Variants in BIN1 observed in about 807,000 individuals in gnomAD.
BIN1 encodes the protein bridging integrator 1, also known as myc box-dependent-interacting protein 1.
A neutral mutation model predicts 82.0 loss-of-function variants in BIN1; 53 were observed. That is an observed-to-expected ratio of 0.65 (90% CI 0.52 to 0.81). The LOEUF is 0.81. Ranked by LOEUF, BIN1 falls within the 40% of genes least tolerant of loss-of-function variation. The pLI, the probability that BIN1 is intolerant of heterozygous loss-of-function variation, is 0.00. For synonymous variants in BIN1, 302 were observed against 328.0 expected (o/e 0.92, Z 0.86); for missense variants, 642 against 784.4 (o/e 0.82, Z 2.17).
At position 127,081,751 on chromosome 2, in the gene BIN1, G is replaced by A. The variant is rs957855672; in HGVS notation, c.85-5045C>T. Reference sequence around the variant, plus strand: ...CCCCACCCCCACACACACATGGAAGGGGGACCTCATCCAGCAAATCTCCCT... The same window carrying A: ...CCCCACCCCCACACACACATGGAAGAGGGACCTCATCCAGCAAATCTCCCT... On this transcript the variant is annotated intron_variant, in intron 1 of 18. Coordinates refer to ENST00000316724, the MANE Select transcript of BIN1 (RefSeq NM_139343.3). 4 of 1,263,156 alleles carry A rather than the reference G, an allele frequency of 3.2e-6. No individual in the cohort carries two copies. In the African/African-American group the frequency reaches 4.6e-5, roughly 15 times the overall value. 78.2% of individuals were successfully genotyped at this position (1,263,156 alleles called of 1,614,324 possible). A position where few individuals can be genotyped will look rare whatever the true frequency, so the allele number is the denominator to read the frequency against.
Position 127,068,098 on chromosome 2 carries a change from G to T in BIN1, c.612+65C>A. 1 of 1,515,334 alleles carries T rather than the reference G, an allele frequency of 6.6e-7. No individual in the cohort carries two copies. The highest frequency in any genetic ancestry group is 9.0e-7 in the Non-Finnish European group (1 of 1,105,020). The allele number at this position is 1,515,334 out of a possible 1,614,324, so 93.9% of individuals were successfully genotyped here. A position where few individuals can be genotyped will look rare whatever the true frequency, so the allele number is the denominator to read the frequency against. On this transcript the variant is annotated intron_variant, in intron 7 of 18. Transcript: ENST00000316724. This position sits in a 1 kb window ranked among gnomAD's most constrained non-coding sequence, Gnocchi z 4.9. Reference sequence around the variant, plus strand: ...GATGCCAGCCCTGCATTCCACCGCAGGGCGAGAGGACAGGACGACAGACCG... The same window carrying T: ...GATGCCAGCCCTGCATTCCACCGCATGGCGAGAGGACAGGACGACAGACCG...
chr2:127,059,650 T>C lies in BIN1; in HGVS notation c.858-495A>G, dbSNP rs1393110927. 6.6e-6 allele frequency among the ~76,000 whole-genome samples: 1 copy of C among 152,150 alleles called. No homozygotes were observed. The highest frequency in any genetic ancestry group is 1.5e-5 in the Non-Finnish European group (1 of 68,002). On this transcript the variant is annotated intron_variant, in intron 10 of 18. Transcript: ENST00000316724. This position sits in a 1 kb window ranked among gnomAD's most constrained non-coding sequence, Gnocchi z 6.7. ...TCCCTGCCTGTCCATCACAGCACCC[T>C]GGTACATGTCTCTAGACCTTGGCTC...
rs990007182 is a variant in BIN1, at chr2:127,067,929, C to T, written c.612+234G>A. On this transcript the variant is annotated intron_variant, in intron 7 of 18. Coordinates refer to ENST00000316724, the MANE Select transcript of BIN1 (RefSeq NM_139343.3). This position sits in a 1 kb window ranked among gnomAD's most constrained non-coding sequence, Gnocchi z 4.7. ...CCAGGAATGACCACAGATGCAGCCA[C>T]GGAGCGGGCATAGCTATGCCCCCAC... Among the ~76,000 whole-genome samples the T allele has an allele frequency of 6.6e-6, 1 of 152,158 alleles. No individual in the cohort carries two copies. Among genetic ancestry groups the T allele is most frequent in the Non-Finnish European group, 1.5e-5 (1 of 68,026 alleles).
At chr2:127,087,270 G>T (rs981974843) in intron 1 of BIN1, among the ~76,000 whole-genome samples, 3 of 152,180 alleles carry the variant, frequency 2.0e-5, no homozygotes, top group Non-Finnish European at 4.4e-5. Context: ...AGGGGGAGGG[G>T]AAGGAAGTTG....
chr2:127,054,162 C>T (rs1056474162), intron 12 of BIN1, 150 bp from the exon 13 acceptor site: 8 of 688,048 alleles, frequency 1.2e-5, no homozygotes, highest in Admixed American at 1.0e-4. Flanking sequence ...TACACGCACA[C>T]ACGCTGGCAC....
intron 1 of BIN1, among the ~76,000 whole-genome samples, chr2:127,079,936 G>A (rs1486649931): frequency 6.6e-6 from 1 of 152,246 alleles, no homozygotes; most frequent in East Asian, 1.9e-4. Flanking sequence ...CTGAGGCTGA[G>A]CCAGTCTCCC....
chr2:127,104,012 A>C (rs2105356545), intron 1 of BIN1, among the ~76,000 whole-genome samples: 1 of 152,228 alleles, frequency 6.6e-6, no homozygotes, highest in Non-Finnish European at 1.5e-5. Flanking sequence ...CCTCACACCA[A>C]GGCCACAGGC....
chr2:127,048,463 G>C lies in BIN1; in HGVS notation c.*63C>G. On this transcript the variant is annotated 3_prime_UTR_variant, in exon 19 of 19. Coordinates refer to ENST00000316724, the MANE Select transcript of BIN1 (RefSeq NM_139343.3). ...AAAAACGAAAACAAAACAAAAAAAA[G>C]AACCACACATTTTTCGGGAGGAGGT... 3 of 1,475,128 alleles carry C rather than the reference G, an allele frequency of 2.0e-6. No individual in the cohort carries two copies. The allele number at this position is 1,475,128 out of a possible 1,614,324, so 91.4% of individuals were successfully genotyped here.
chr2:127,060,612 G>A (rs773875712), intron 10 of BIN1: 5 of 1,614,084 alleles, frequency 3.1e-6, no homozygotes, highest in Admixed American at 1.7e-5. Context: ...TTCTTTCTGC[G>A]CAGCCGCGAA....
chr2:127,068,851 C>T lies in BIN1; in HGVS notation c.519+73G>A. On this transcript the variant is annotated intron_variant, in intron 6 of 18. Transcript: ENST00000316724. The surrounding 1 kb of genome is among the most constrained non-coding windows in gnomAD (Gnocchi z 4.9). ...GGGGCCAGGCAGGAGGAAGCCTCCACCCTCGGGGTCCTAGACACCCGCCCT... is the reference window on the plus strand; with the variant it reads ...GGGGCCAGGCAGGAGGAAGCCTCCATCCTCGGGGTCCTAGACACCCGCCCT... The T allele has an allele frequency of 2.1e-6, 3 of 1,421,318 alleles. No homozygotes were observed. Among genetic ancestry groups the T allele is most frequent in the South Asian group, 2.3e-5 (2 of 86,864 alleles). 88.0% of individuals were successfully genotyped at this position (1,421,318 alleles called of 1,614,324 possible).
Position 127,070,039 on chromosome 2 carries a change from G to A in BIN1, c.367C>T (p.Leu123=). ...CCCAGGTACGTGTCCATGGTCAGCAGCGCCTGGTCCACCAGCTTCTGGTGG... is the reference window on the plus strand; with the variant it reads ...CCCAGGTACGTGTCCATGGTCAGCAACGCCTGGTCCACCAGCTTCTGGTGG... ...DYHQKLVDQA[L]LTMDTYLGQF... The change falls in exon 5 of 19, where the codon CTG becomes TTG. Residue 123 remains leucine, a synonymous_variant. Transcript: ENST00000316724. 1.2e-6 allele frequency: 2 copies of A among 1,614,166 alleles called. No homozygotes were observed. Among genetic ancestry groups the A allele is most frequent in the East Asian group, 4.5e-5 (2 of 44,880 alleles).
chr2:127,081,294 G>T lies in BIN1; in HGVS notation c.85-4588C>A, dbSNP rs190688506. ...CCAGGGCCGCCTCCTCAGAAGGGAAGTGTCCTTATGTGACAGATGGCAGGT... is the reference window on the plus strand; with the variant it reads ...CCAGGGCCGCCTCCTCAGAAGGGAATTGTCCTTATGTGACAGATGGCAGGT... On this transcript the variant is annotated intron_variant, in intron 1 of 18. Transcript: ENST00000316724. Among the ~76,000 whole-genome samples, 84 of 152,362 alleles carry T rather than the reference G, an allele frequency of 5.5e-4. 1 individual carries two copies. Among genetic ancestry groups the T allele is most frequent in the African/African-American group, 6.3e-4 (26 of 41,582 alleles).
intron 1 of BIN1, among the ~76,000 whole-genome samples, chr2:127,100,410 G>A (rs552174779): frequency 6.6e-6 from 1 of 152,272 alleles, no homozygotes; most frequent in East Asian, 1.9e-4. Context: ...TCCGCTGGAC[G>A]CCTCCATCTC....
intron 1 of BIN1, among the ~76,000 whole-genome samples, chr2:127,088,694 G>A (rs1021846261): frequency 1.1e-4 from 16 of 151,012 alleles, no homozygotes; most frequent in Non-Finnish European, 2.1e-4. Flanking sequence ...ATCCAGGACC[G>A]CACCACTGCA....
chr2:127,080,459 G>A (rs2105181000), intron 1 of BIN1, among the ~76,000 whole-genome samples: 1 of 152,368 alleles, frequency 6.6e-6, no homozygotes, highest in Middle Eastern at 3.4e-3. Flanking sequence ...GCACAGGCCA[G>A]GATTTGCACT....
intron 1 of BIN1, among the ~76,000 whole-genome samples, chr2:127,103,420 C>T (rs577199762): frequency 3.5e-4 from 54 of 152,238 alleles, no homozygotes; most frequent in African/African-American, 1.2e-3. Flanking sequence ...GGCATGTCAG[C>T]GCTGTGCTGG....
Position 127,059,276 on chromosome 2 carries a change from GT to G in BIN1, c.858-122del. 1 of 1,021,440 alleles carries G rather than the reference GT, an allele frequency of 9.8e-7. No homozygotes were observed. The highest frequency in any genetic ancestry group is 1.5e-6 in the Non-Finnish European group (1 of 689,038). 63.3% of individuals were successfully genotyped at this position (1,021,440 alleles called of 1,614,324 possible). A position where few individuals can be genotyped will look rare whatever the true frequency, so the allele number is the denominator to read the frequency against. ...TGCATATGGAGGTGTGAAACTGTGT[GT>G]GTGTGTGTGTGTGTGTATGTGAGAG... is the stretch of plus-strand genomic sequence containing the variant. On this transcript the variant is annotated intron_variant, in intron 10 of 18. Transcript: ENST00000316724. The surrounding 1 kb of genome is among the most constrained non-coding windows in gnomAD (Gnocchi z 6.7).
At chr2:127,052,641 TC>T in intron 14 of BIN1, 1 of 479,938 alleles carries the variant, frequency 2.1e-6, no homozygotes, top group Non-Finnish European at 3.8e-6. Flanking sequence ...GCTGGCTCTT[TC>T]TGGCTTCCTC....
chr2:127,054,908 G>A (rs1301401562), intron 12 of BIN1: 1 of 152,272 alleles, frequency 6.6e-6, no homozygotes, highest in Non-Finnish European at 1.5e-5. Context: ...TGACTCCGGT[G>A]AGCCCTGGGG....
Sources: gnomAD v4.1 joint callset for allele counts (sites outside exome capture counted in the v4.1 genomes callset) on GRCh38, gnomAD v4.1.1 for gene constraint, Gnocchi (gnomAD v3.1) non-coding constraint, MANE v1.5 for transcripts, NCBI Gene and HGNC (gene_info 2026-07-23, HGNC 2026-07-21) for gene names.